RGS6: variants seen among roughly 807,000 people sequenced by gnomAD.
RGS6 encodes regulator of G-protein signaling 6.
A neutral mutation model predicts 78.5 loss-of-function variants in RGS6; 30 were observed. The observed-to-expected ratio is 0.38, with a 90% confidence interval of 0.29 to 0.52. The LOEUF is 0.52. RGS6 is among the 20% of genes least tolerant of loss of function. The pLI is 0.85. For synonymous variants in RGS6, 206 were observed against 206.0 expected, an observed-to-expected ratio of 1.00 and a Z score of 0.00; for missense variants, 495 against 609.7, an observed-to-expected ratio of 0.81 and a Z score of 1.98.
chr14:72,510,860 G>A (rs1242415128), intron 14 of RGS6, among the ~76,000 whole-genome samples: 1 of 152,106 alleles, frequency 6.6e-6, no homozygotes, highest in South Asian at 2.1e-4. Flanking sequence ...ATCATCTGAC[G>A]CCAGTGAGAA....
At chr14:72,321,334 A>G (rs1035829557) in intron 2 of RGS6, among the ~76,000 whole-genome samples, 3 of 152,016 alleles carry the variant, frequency 2.0e-5, no homozygotes, top group African/African-American at 7.2e-5. Context: ...AAATCAAAAT[A>G]CTATAAAGTA....
the RGS6 span, among the ~76,000 whole-genome samples, chr14:71,871,625 A>C: frequency 6.6e-6 from 1 of 152,014 alleles, no homozygotes; most frequent in African/African-American, 2.4e-5. Context: ...TGCTCATGTT[A>C]CCTAGGTGTC....
chr14:71,867,837 G>C, the RGS6 span, among the ~76,000 whole-genome samples: 20 of 152,024 alleles, frequency 1.3e-4, no homozygotes, highest in African/African-American at 4.6e-4. Flanking sequence ...GGCTCACTGG[G>C]GGCCATCACC....
intron 2 of RGS6, among the ~76,000 whole-genome samples, chr14:72,234,912 G>A (rs938985012): frequency 5.3e-5 from 8 of 152,120 alleles, no homozygotes; most frequent in African/African-American, 1.7e-4. Flanking sequence ...CCAAATTTGT[G>A]GGAAAGGGGA....
At chr14:71,958,139 G>C (rs1201706029) in intron 1 of RGS6, among the ~76,000 whole-genome samples, 1 of 152,124 alleles carries the variant, frequency 6.6e-6, no homozygotes, top group East Asian at 1.9e-4. Flanking sequence ...GAATGGAGAA[G>C]TCAACTTCAC....
chr14:72,528,701 A>C (rs1044858695), intron 15 of RGS6, among the ~76,000 whole-genome samples: 1 of 152,204 alleles, frequency 6.6e-6, no homozygotes, highest in Non-Finnish European at 1.5e-5. Context: ...ATAAGGCAAG[A>C]CAAAATAAGA....
intron 12 of RGS6, among the ~76,000 whole-genome samples, chr14:72,483,941 T>C (rs1175999470): frequency 1.3e-5 from 2 of 151,594 alleles, no homozygotes; most frequent in African/African-American, 4.8e-5. Flanking sequence ...CTTTTTATAT[T>C]TTCCCTACTT....
intron 3 of RGS6, among the ~76,000 whole-genome samples, chr14:72,416,931 T>C (rs189297222): frequency 1.3e-5 from 2 of 152,304 alleles, no homozygotes; most frequent in Admixed American, 1.3e-4. Context: ...GACAGGTTGA[T>C]TGGTGTGTAT....
Position 72,459,760 on chromosome 14 carries a change from G to T in RGS6, c.394+77G>T, listed in dbSNP as rs1316370655. Reference sequence around the variant, plus strand: ...CTGGGGGTGCAGAAGACAAATGCTTGGTGTGGGCCATGGTGGTACATGGGG... The same window carrying T: ...CTGGGGGTGCAGAAGACAAATGCTTTGTGTGGGCCATGGTGGTACATGGGG... On this transcript the variant is annotated intron_variant, in intron 6 of 17. Coordinates refer to ENST00000553525, the MANE Select transcript of RGS6 (RefSeq NM_001204424.2). The T allele has an allele frequency of 4.2e-6, 6 of 1,434,646 alleles. No individual in the cohort carries two copies. In the Admixed American group the frequency reaches 6.7e-5, roughly 16 times the overall value. The allele number at this position is 1,434,646 out of a possible 1,614,324, so 88.9% of individuals were successfully genotyped here. A position where few individuals can be genotyped will look rare whatever the true frequency, so the allele number is the denominator to read the frequency against.
At chr14:72,057,313 G>GAAAAAAAAAAAAAAAAAAAAA (rs71109718) in intron 2 of RGS6, among the ~76,000 whole-genome samples, 1 of 56,174 alleles carries the variant, frequency 1.8e-5, no homozygotes. Context: ...GACTCTATCT[G>GAAAAAAAAAAAAAAAAAAAAA]AAAAAAAAAA....
intron 7 of RGS6, among the ~76,000 whole-genome samples, chr14:72,468,178 A>G (rs186168487): frequency 6.6e-6 from 1 of 152,280 alleles, no homozygotes; most frequent in East Asian, 1.9e-4. Context: ...CAGGAGATCG[A>G]GACCATCCTG....
At chr14:72,599,267 C>G in the RGS6 span, among the ~76,000 whole-genome samples, 1 of 152,136 alleles carries the variant, frequency 6.6e-6, no homozygotes, top group African/African-American at 2.4e-5. Context: ...TGCCCCATCC[C>G]GTTCATCGCA....
intron 15 of RGS6, among the ~76,000 whole-genome samples, chr14:72,524,695 A>T (rs981104951): frequency 1.3e-5 from 2 of 152,196 alleles, no homozygotes; most frequent in African/African-American, 4.8e-5. Context: ...TTCTGTGCAG[A>T]GGGAAATAAC....
At chr14:71,894,108 G>A in the RGS6 span, among the ~76,000 whole-genome samples, 82 of 152,162 alleles carry the variant, frequency 5.4e-4, 1 homozygote, top group African/African-American at 1.7e-3. Context: ...TGATATAGAG[G>A]CATCTGTTTT....
intron 2 of RGS6, among the ~76,000 whole-genome samples, chr14:72,016,284 A>G (rs35005808): frequency 0.01 from 1,571 of 152,312 alleles, 21 homozygotes; most frequent in Admixed American, 0.017. Context: ...AGTTACATGT[A>G]TCAAATCTTT....
chr14:71,984,321 A>AC (rs1555416097), intron 2 of RGS6, among the ~76,000 whole-genome samples: 1 of 62,508 alleles, frequency 1.6e-5, no homozygotes, highest in African/African-American at 5.7e-5. Context: ...AAAAAAAAAA[A>AC]ACAAAGCTGT....
chr14:72,135,120 T>C (rs910440488), intron 2 of RGS6, among the ~76,000 whole-genome samples: 2 of 152,220 alleles, frequency 1.3e-5, no homozygotes, highest in African/African-American at 4.8e-5. Context: ...TAATTTTTTG[T>C]CTATAAGTCT....
intron 2 of RGS6, among the ~76,000 whole-genome samples, chr14:72,216,094 G>A (rs777240183): frequency 2.0e-5 from 3 of 152,150 alleles, no homozygotes; most frequent in Admixed American, 6.5e-5. Flanking sequence ...AAGATCTCAC[G>A]ACAAACAGTA....
intron 2 of RGS6, among the ~76,000 whole-genome samples, chr14:72,047,849 C>T (rs1394492074): frequency 6.6e-6 from 1 of 151,584 alleles, no homozygotes; most frequent in Admixed American, 6.6e-5. Flanking sequence ...CCTCAGCCTC[C>T]AGAGTAGCTG....
Sources: allele counts gnomAD v4.1 joint callset (sites outside exome capture counted in the v4.1 genomes callset), GRCh38; gene constraint gnomAD v4.1.1; transcripts MANE v1.5; gene names NCBI Gene and HGNC (gene_info 2026-07-23, HGNC 2026-07-21).